GMDS: variants seen among roughly 807,000 people sequenced by gnomAD.
The protein encoded by GMDS is GDP-mannose 4,6 dehydratase.
A neutral mutation model predicts 49.9 loss-of-function variants in GMDS; 20 were observed. The ratio of observed to expected loss-of-function variants is 0.40; its 90% CI spans 0.28 to 0.58. The LOEUF (loss-of-function observed/expected upper bound fraction) is 0.58, where lower values mean the gene tolerates loss of function less well. Among genes scored for constraint, GMDS ranks in the 20% least tolerant of loss-of-function variants. GMDS has a pLI of 0.42. For missense variants in GMDS, 362 were observed against 481.4 expected (o/e 0.75, Z 2.32); for synonymous variants, 177 against 178.6 (o/e 0.99, Z 0.07).
chr6:2,183,915 T>C (rs1284602676), intron 1 of GMDS, among the ~76,000 whole-genome samples: 1 of 152,214 alleles, frequency 6.6e-6, no homozygotes, highest in Non-Finnish European at 1.5e-5. Flanking sequence ...TGTACATTTT[T>C]TAGATATAAT....
intron 4 of GMDS, among the ~76,000 whole-genome samples, chr6:2,039,247 G>C (rs1050649397): frequency 6.6e-6 from 1 of 152,188 alleles, no homozygotes; most frequent in African/African-American, 2.4e-5. Flanking sequence ...CATGAATGGA[G>C]CTTGCAGGAC....
chr6:2,171,533 G>A (rs1778006093), intron 1 of GMDS, among the ~76,000 whole-genome samples: 1 of 152,130 alleles, frequency 6.6e-6, no homozygotes, highest in Non-Finnish European at 1.5e-5. Context: ...AACAAACACA[G>A]AATAAAGTCT....
intron 7 of GMDS, among the ~76,000 whole-genome samples, chr6:1,746,104 A>G (rs1315635285): frequency 1.3e-5 from 2 of 152,230 alleles, no homozygotes; most frequent in Non-Finnish European, 2.9e-5. Flanking sequence ...TCCTGTTCAC[A>G]TGCTGGACCA....
At chr6:2,061,436 G>A (rs2127447644) in intron 4 of GMDS, among the ~76,000 whole-genome samples, 1 of 152,236 alleles carries the variant, frequency 6.6e-6, no homozygotes, top group African/African-American at 2.4e-5. Flanking sequence ...TCTGAGGTGG[G>A]CCAGGCATGG....
intron 1 of GMDS, among the ~76,000 whole-genome samples, chr6:2,201,058 T>G (rs1273918968): frequency 4.3e-5 from 6 of 138,814 alleles, no homozygotes; most frequent in Non-Finnish European, 7.7e-5. Flanking sequence ...CACATGGGCA[T>G]CCGAGATGAA....
intron 6 of GMDS, among the ~76,000 whole-genome samples, chr6:1,937,629 A>G (rs1224185090): frequency 3.3e-5 from 5 of 152,162 alleles, no homozygotes; most frequent in Admixed American, 1.3e-4. Flanking sequence ...CCATATTCAC[A>G]CCATATGAAT....
At chr6:2,195,897 G>A (rs1009847178) in intron 1 of GMDS, among the ~76,000 whole-genome samples, 3 of 151,264 alleles carry the variant, frequency 2.0e-5, no homozygotes, top group African/African-American at 4.9e-5. Context: ...CAACAGTGAA[G>A]TTAAACATCT....
chr6:1,767,566 C>T (rs1463088380), intron 7 of GMDS, among the ~76,000 whole-genome samples: 1 of 152,172 alleles, frequency 6.6e-6, no homozygotes, highest in Non-Finnish European at 1.5e-5. Flanking sequence ...CCAGACTGAC[C>T]TCTGAGTCAA....
chr6:1,651,382 G>C (rs1350819181), intron 9 of GMDS, among the ~76,000 whole-genome samples: 2 of 152,228 alleles, frequency 1.3e-5, no homozygotes, highest in African/African-American at 4.8e-5. Context: ...CCTGGGACTG[G>C]CATCTCAACC....
At chr6:1,858,369 T>G (rs1758033490) in intron 7 of GMDS, among the ~76,000 whole-genome samples, 1 of 152,198 alleles carries the variant, frequency 6.6e-6, no homozygotes, top group Non-Finnish European at 1.5e-5. Context: ...TAACCTTACT[T>G]TATATTGTGT....
rs146131542 is a variant in GMDS at position 1,760,186 on chromosome 6, C to T, written c.772-17600G>A. On this transcript the variant is annotated intron_variant, in intron 7 of 10. Coordinates refer to ENST00000380815, the MANE Select transcript of GMDS (RefSeq NM_001500.4). The stretch of plus-strand genomic sequence containing the variant: ...AGCAGATCCTCCTTTCCCATTCCTG[C>T]GAGGTGCCCTGAGGCTCCTTACAAA... Among the ~76,000 whole-genome samples, 292 of 152,288 alleles carry T rather than the reference C, an allele frequency of 1.9e-3. 1 individual carries two copies. Among genetic ancestry groups the T allele is most frequent in the African/African-American group, 6.9e-3 (286 of 41,552 alleles).
chr6:1,714,402 T>TAA (rs111543492), intron 9 of GMDS, among the ~76,000 whole-genome samples: 11 of 142,766 alleles, frequency 7.7e-5, no homozygotes, highest in Non-Finnish European at 1.5e-4. Context: ...GCACTTACAT[T>TAA]AAAAAAAAAA....
intron 4 of GMDS, among the ~76,000 whole-genome samples, chr6:2,023,707 CA>C (rs1283834244): frequency 6.6e-6 from 1 of 152,108 alleles, no homozygotes; most frequent in African/African-American, 2.4e-5. Flanking sequence ...AAAATGGTCA[CA>C]AAAATTATCC....
intron 4 of GMDS, among the ~76,000 whole-genome samples, chr6:2,113,972 T>A (rs1581668620): frequency 6.6e-6 from 1 of 152,102 alleles, no homozygotes; most frequent in African/African-American, 2.4e-5. Flanking sequence ...GGGAACCAAC[T>A]CAATAGCCTA....
rs369556784 is a variant in GMDS, at chr6:1,736,686, C to T, written c.890+5782G>A. 3.3e-5 allele frequency among the ~76,000 whole-genome samples: 5 copies of T among 152,324 alleles called. No individual in the cohort carries two copies. The East Asian group carries it at 5.8e-4, about 18-fold the overall frequency. ...GAGTTAAATCTATCTCAGGGATCAA[C>T]GGTGGCTGGTCTAAACACACCACAT... On this transcript the variant is annotated intron_variant, in intron 8 of 10. Transcript: ENST00000380815.
chr6:1,971,387 A>G (rs141455588), intron 4 of GMDS, among the ~76,000 whole-genome samples: 90 of 152,300 alleles, frequency 5.9e-4, no homozygotes, highest in African/African-American at 2.1e-3. Flanking sequence ...TGTTGCAATT[A>G]TATTTTTCTT....
intron 4 of GMDS, among the ~76,000 whole-genome samples, chr6:1,970,063 A>T (rs1180987550): frequency 6.6e-6 from 1 of 152,252 alleles, no homozygotes; most frequent in African/African-American, 2.4e-5. Flanking sequence ...AATTCCATTT[A>T]AAAAATCTCA....
intron 7 of GMDS, among the ~76,000 whole-genome samples, chr6:1,784,496 AGGAGAGCAGAGGCCAGAGCCAGAGG>A (rs529539285): frequency 7.9e-5 from 12 of 151,898 alleles, no homozygotes; most frequent in Middle Eastern, 3.4e-3. Flanking sequence ...CGGGGCGGGA[AGGAGAGCAGAGGCCAGAGCCAGAGG>A]GGAGAGAGGA....
At chr6:2,121,280 G>A (rs1775124095) in intron 2 of GMDS, among the ~76,000 whole-genome samples, 1 of 152,170 alleles carries the variant, frequency 6.6e-6, no homozygotes, top group African/African-American at 2.4e-5. Context: ...TAAGTGTATA[G>A]CATAATCAAA....
Sources: allele counts gnomAD v4.1 joint callset (sites outside exome capture counted in the v4.1 genomes callset), GRCh38; gene constraint gnomAD v4.1.1; transcripts MANE v1.5; gene names NCBI Gene and HGNC (gene_info 2026-07-23, HGNC 2026-07-21).